The following STK33 variants were observed in gnomAD, a reference collection of about 807,000 sequenced individuals.
The protein encoded by STK33 is serine/threonine-protein kinase 33.
Under a neutral mutation model 58.0 loss-of-function variants are expected in STK33, and 52 were observed. The observed-to-expected ratio is 0.90, with a 90% CI of 0.72 to 1.13. STK33 has a LOEUF of 1.13. STK33 is among the 50% of genes most tolerant of loss of function. The pLI is 0.00. For synonymous variants in STK33, 215 were observed against 200.1 expected (o/e 1.07, Z -0.63); for missense variants, 630 against 604.2 (o/e 1.04, Z -0.45).
intron 14 of STK33, among the ~76,000 whole-genome samples, chr11:8,417,413 C>G (rs1941285584): frequency 6.6e-6 from 1 of 151,992 alleles, no homozygotes; most frequent in Non-Finnish European, 1.5e-5. Flanking sequence ...TAATGGAGAC[C>G]CAATCACATT....
intron 1 of STK33, among the ~76,000 whole-genome samples, chr11:8,500,690 A>G (rs1472382249): frequency 2.6e-5 from 4 of 152,346 alleles, no homozygotes; most frequent in Non-Finnish European, 4.4e-5. Context: ...GATAATTGTA[A>G]AGTTCATATG....
intron 1 of STK33, among the ~76,000 whole-genome samples, chr11:8,515,748 T>A (rs191494227): frequency 6.6e-6 from 1 of 152,158 alleles, no homozygotes; most frequent in African/African-American, 2.4e-5. Flanking sequence ...TTTGTCTCAA[T>A]AGATGCAGAG....
At chr11:8,376,831 T>G in the STK33 span, among the ~76,000 whole-genome samples, 4 of 152,182 alleles carry the variant, frequency 2.6e-5, no homozygotes, top group Non-Finnish European at 5.9e-5. Context: ...TGAGCCACCA[T>G]GCCCGGCCGA....
chr11:8,413,646 A>G lies in STK33; in HGVS notation c.1193T>C (p.Met398Thr). 2.5e-6 allele frequency: 4 copies of G among 1,613,894 alleles called. No homozygotes were observed. Among genetic ancestry groups the G allele is most frequent in the Non-Finnish European group, 3.4e-6 (4 of 1,179,930 alleles). ...SVRPTNVLEM[M>T]KEWKNNPESV... Reference sequence around the variant, plus strand: ...TTCTGGGTTATTTTTCCATTCCTTCATCATCTCTAATACATTGGTTGGTCT... The same window carrying G: ...TTCTGGGTTATTTTTCCATTCCTTCGTCATCTCTAATACATTGGTTGGTCT... The change falls in exon 15 of 16, where the codon ATG (methionine) becomes ACG (threonine). Residue 398 changes from methionine (M) to threonine (T), a missense_variant. Physicochemically the swap from Met to Thr is moderately conservative, Grantham distance 81 (BLOSUM62 -1). Coordinates refer to ENST00000687296, the MANE Select transcript of STK33 (RefSeq NM_001352389.2).
intron 1 of STK33, among the ~76,000 whole-genome samples, chr11:8,489,273 AAAAAAAAAAAGAAAG>A (rs940867152): frequency 1.5e-4 from 3 of 20,108 alleles, no homozygotes; most frequent in African/African-American, 6.9e-4. Flanking sequence ...AAAAAAAAAG[AAAAAAAAAAAGAAAG>A]AAAAGAAAAG....
At chr11:8,584,766 C>T (rs1263803039) in intron 1 of STK33, among the ~76,000 whole-genome samples, 1 of 152,144 alleles carries the variant, frequency 6.6e-6, no homozygotes, top group East Asian at 1.9e-4. Flanking sequence ...ACAAAGCATA[C>T]AGCCACAGAG....
chr11:8,490,140 G>A (rs1019635446), intron 1 of STK33, among the ~76,000 whole-genome samples: 7 of 152,230 alleles, frequency 4.6e-5, no homozygotes, highest in Non-Finnish European at 1.0e-4. Context: ...AAGTGCAGGG[G>A]TCGAGGGATT....
rs1405442001 is a variant in STK33, at chr11:8,473,220, GC to G, written c.281del (p.Gly94AlafsTer11). On this transcript the variant is annotated frameshift_variant, in exon 6 of 16. Coordinates refer to ENST00000687296, the MANE Select transcript of STK33 (RefSeq NM_001352389.2). LOFTEE classifies it high-confidence loss of function. ...GAGGAACTTTTCCTTCTGTAAAGTT[GC>G]CCCGACCCCATTGTTGCTGAGATGC... ...RKASQQQWGR[G>X]NFTEGKVPHI... 1.2e-6 allele frequency: 2 copies of G among 1,612,856 alleles called. No homozygotes were observed. The highest frequency in any genetic ancestry group is 1.1e-5 in the South Asian group (1 of 90,982).
the STK33 span, among the ~76,000 whole-genome samples, chr11:8,346,174 C>T: frequency 3.3e-5 from 5 of 152,310 alleles, no homozygotes; most frequent in East Asian, 3.9e-4. Context: ...GGAGTCATTA[C>T]CACTGCGAGG....
At chr11:8,541,832 T>C (rs1308996506) in intron 1 of STK33, among the ~76,000 whole-genome samples, 1 of 152,178 alleles carries the variant, frequency 6.6e-6, no homozygotes, top group Non-Finnish European at 1.5e-5. Flanking sequence ...GATTTCTGCT[T>C]GAAGTACTTC....
chr11:8,339,671 CG>C, the STK33 span, among the ~76,000 whole-genome samples: 1 of 148,610 alleles, frequency 6.7e-6, no homozygotes. Flanking sequence ...CCAGCCCAGA[CG>C]TTCTCTACAG....
chr11:8,499,176 C>A (rs1951306564), intron 1 of STK33, among the ~76,000 whole-genome samples: 1 of 152,170 alleles, frequency 6.6e-6, no homozygotes, highest in Admixed American at 6.5e-5. Context: ...TTTTTGCAAT[C>A]TACCTATCTG....
chr11:8,336,470 G>C, the STK33 span, among the ~76,000 whole-genome samples: 13 of 152,272 alleles, frequency 8.5e-5, no homozygotes, highest in Non-Finnish European at 1.8e-4. Flanking sequence ...GAGAGGGACA[G>C]AAAATCTGCC....
intron 13 of STK33, 27 bp from the exon 14 acceptor site, chr11:8,435,606 A>C (rs1759233738): frequency 7.3e-7 from 1 of 1,367,524 alleles, no homozygotes; most frequent in Admixed American, 2.3e-5. Flanking sequence ...AATCCTGAAA[A>C]ATCTTATTTA....
chr11:8,592,153 G>C (rs1313637802), intron 1 of STK33, among the ~76,000 whole-genome samples: 3 of 152,122 alleles, frequency 2.0e-5, no homozygotes, highest in Non-Finnish European at 4.4e-5. Context: ...AACAGACTAT[G>C]AAACAGTTTT....
intron 12 of STK33, among the ~76,000 whole-genome samples, chr11:8,439,869 T>TTTTATATATATATATATATATATATA (rs1554930118): frequency 6.5e-5 from 7 of 107,258 alleles, no homozygotes; most frequent in South Asian, 3.6e-4. Context: ...TATATTATAA[T>TTTTATATATATATATATATATATATA]TATATATATA....
chr11:8,403,339 A>G (rs1938466313), intron 15 of STK33, among the ~76,000 whole-genome samples: 1 of 152,236 alleles, frequency 6.6e-6, no homozygotes, highest in Non-Finnish European at 1.5e-5. Flanking sequence ...GCTTGAACAG[A>G]TATAAAGGGA....
chr11:8,452,309 A>G (rs1414603360), intron 11 of STK33, among the ~76,000 whole-genome samples: 1 of 152,242 alleles, frequency 6.6e-6, no homozygotes, highest in East Asian at 1.9e-4. Flanking sequence ...AACAACTTTA[A>G]GAAGAGCCCA....
chr11:8,527,306 A>T (rs1346531247), intron 1 of STK33, among the ~76,000 whole-genome samples: 1 of 152,154 alleles, frequency 6.6e-6, no homozygotes, highest in African/African-American at 2.4e-5. Context: ...AAAGAAAGCT[A>T]TACAAACTGG....
Sources: allele counts gnomAD v4.1 joint callset (sites outside exome capture counted in the v4.1 genomes callset), GRCh38; gene constraint gnomAD v4.1.1; transcripts MANE v1.5; gene names NCBI Gene and HGNC (gene_info 2026-07-23, HGNC 2026-07-21).